Variants in ADAMTS6 observed in about 807,000 individuals in gnomAD.
ADAMTS6 encodes the protein A disintegrin and metalloproteinase with thrombospondin motifs 6.
A neutral mutation model predicts 144.3 loss-of-function variants in ADAMTS6; 23 were observed. The observed-to-expected ratio is 0.16, with a 90% CI of 0.11 to 0.23. ADAMTS6 has a LOEUF of 0.23. ADAMTS6 is among the 10% of genes least tolerant of loss of function. The pLI is 1.00. For missense variants in ADAMTS6, 999 were observed against 1,379.6 expected, an observed-to-expected ratio of 0.72 and a Z score of 4.37; for synonymous variants, 444 against 457.5, an observed-to-expected ratio of 0.97 and a Z score of 0.38.
chr5:65,232,015 G>A (rs1758286347), intron 15 of ADAMTS6, among the ~76,000 whole-genome samples: 1 of 152,090 alleles, frequency 6.6e-6, no homozygotes, highest in African/African-American at 2.4e-5. Context: ...GGAGGCTGAG[G>A]CAGGAGAATC....
chr5:65,172,733 T>C (rs1753712029), intron 23 of ADAMTS6, 99 bp downstream of exon 23: 2 of 1,380,520 alleles, frequency 1.4e-6, no homozygotes, highest in Admixed American at 2.3e-5. Flanking sequence ...GTGTTAATTC[T>C]TACTCATCTC....
chr5:65,420,179 T>C (rs7712994), intron 7 of ADAMTS6, among the ~76,000 whole-genome samples: 92,220 of 151,970 alleles, frequency 0.61, 29,830 homozygotes, highest in African/African-American at 0.84. Flanking sequence ...TGTGAGAACT[T>C]ACTCACTATC....
intron 2 of ADAMTS6, among the ~76,000 whole-genome samples, chr5:65,472,167 A>C (rs939528846): frequency 1.3e-5 from 2 of 152,224 alleles, no homozygotes; most frequent in African/African-American, 4.8e-5. Context: ...TAAAACATTA[A>C]GTAAAAGAGC....
chr5:65,210,619 A>G (rs1028601714), intron 20 of ADAMTS6: 3 of 612,668 alleles, frequency 4.9e-6, no homozygotes, highest in Admixed American at 2.1e-5. Flanking sequence ...AAAGGAAGCT[A>G]TGGATGGAGG....
chr5:65,182,733 T>TA (rs776463291), intron 22 of ADAMTS6, among the ~76,000 whole-genome samples: 107 of 152,288 alleles, frequency 7.0e-4, no homozygotes, highest in Non-Finnish European at 1.3e-3. Flanking sequence ...GCTAAACACA[T>TA]AATGACATTT....
At chr5:65,439,711 G>T (rs1277300299) in intron 7 of ADAMTS6, among the ~76,000 whole-genome samples, 1 of 152,150 alleles carries the variant, frequency 6.6e-6, no homozygotes, top group Admixed American at 6.5e-5. Context: ...GATAAAATTT[G>T]AGTATGAACT....
rs533451192 is a variant in ADAMTS6, at chr5:65,407,932, C to T, written c.1073+43543G>A. Reference sequence around the variant, plus strand: ...AGTGAAGGAGAAATAAAATCCTTTACAGACAAGCAAATGCTGAGAGATTTT... The same window carrying T: ...AGTGAAGGAGAAATAAAATCCTTTATAGACAAGCAAATGCTGAGAGATTTT... On this transcript the variant is annotated intron_variant, in intron 7 of 24. Coordinates refer to ENST00000381055, the MANE Select transcript of ADAMTS6 (RefSeq NM_197941.4). Among the ~76,000 whole-genome samples, 622 of 152,238 alleles carry T rather than the reference C, an allele frequency of 4.1e-3. 2 individuals carry two copies. Among genetic ancestry groups the T allele is most frequent in the African/African-American group, 0.014 (588 of 41,540 alleles).
intron 7 of ADAMTS6, among the ~76,000 whole-genome samples, chr5:65,382,086 C>T (rs1752095083): frequency 6.6e-6 from 1 of 152,130 alleles, no homozygotes; most frequent in Non-Finnish European, 1.5e-5. Context: ...CTTTTTGGAA[C>T]ACACACAATT....
chr5:65,202,102 A>G (rs1755776973), intron 20 of ADAMTS6, among the ~76,000 whole-genome samples: 1 of 152,172 alleles, frequency 6.6e-6, no homozygotes, highest in African/African-American at 2.4e-5. Context: ...AACCCAGGGT[A>G]CCAATCAACT....
chr5:65,422,284 A>T (rs1756114142), intron 7 of ADAMTS6, among the ~76,000 whole-genome samples: 1 of 152,242 alleles, frequency 6.6e-6, no homozygotes, highest in Non-Finnish European at 1.5e-5. Flanking sequence ...CCCAGCCAGA[A>T]TGGCCACTAT....
chr5:65,356,938 G>T (rs1487938532), intron 7 of ADAMTS6, among the ~76,000 whole-genome samples: 1 of 151,806 alleles, frequency 6.6e-6, no homozygotes, highest in East Asian at 1.9e-4. Context: ...GTATTTTTCA[G>T]GGGTAATAAT....
At position 65,401,237 on chromosome 5, in the gene ADAMTS6, C is replaced by G. The variant is rs149181340; in HGVS notation, c.1073+50238G>C. 2.1e-3 allele frequency among the ~76,000 whole-genome samples: 317 copies of G among 152,230 alleles called. 3 individuals are homozygous for G. Among genetic ancestry groups the G allele is most frequent in the African/African-American group, 7.3e-3 (305 of 41,520 alleles). On this transcript the variant is annotated intron_variant, in intron 7 of 24. Coordinates refer to ENST00000381055, the MANE Select transcript of ADAMTS6 (RefSeq NM_197941.4). Reference sequence around the variant, plus strand: ...AATTAGGTCTCAGCCTTTCAGTGCACCTATGCCTCTGAACTCTTGAACAAA... The same window carrying G: ...AATTAGGTCTCAGCCTTTCAGTGCAGCTATGCCTCTGAACTCTTGAACAAA...
intron 18 of ADAMTS6, among the ~76,000 whole-genome samples, chr5:65,216,107 A>C (rs1321157641): frequency 7.2e-6 from 1 of 138,242 alleles, no homozygotes; most frequent in African/African-American, 2.6e-5. Flanking sequence ...AAGAATTGAA[A>C]ACAGGTACTC....
chr5:65,325,539 G>GTT (rs1314617543), intron 9 of ADAMTS6, among the ~76,000 whole-genome samples: 1 of 150,420 alleles, frequency 6.6e-6, no homozygotes, highest in African/African-American at 2.5e-5. Flanking sequence ...ACCCAGAATG[G>GTT]AGTGCGGTGG....
chr5:65,243,697 G>C (rs1368070093), intron 14 of ADAMTS6, among the ~76,000 whole-genome samples: 3 of 151,992 alleles, frequency 2.0e-5, no homozygotes, highest in Non-Finnish European at 4.4e-5. Context: ...GAGTGCTCTA[G>C]GTTAAAGGAA....
chr5:65,334,429 G>A (rs1747114379), intron 7 of ADAMTS6, among the ~76,000 whole-genome samples: 2 of 152,180 alleles, frequency 1.3e-5, no homozygotes, highest in South Asian at 4.1e-4. Context: ...ACGCAAATAG[G>A]TGGCTTCTTA....
intron 23 of ADAMTS6, 107 bp downstream of exon 23, chr5:65,172,725 G>A: frequency 7.6e-7 from 1 of 1,319,408 alleles, no homozygotes. Flanking sequence ...ACTTCTACGT[G>A]TTAATTCTTA....
In ADAMTS6 at chr5:65,296,635, G is replaced by A. The variant is rs1233993237; in HGVS notation, c.1370+3350C>T. Among the ~76,000 whole-genome samples, 8 of 152,320 alleles carry A rather than the reference G, an allele frequency of 5.3e-5. 1 individual carries two copies. The East Asian group carries it at 1.5e-3, about 29-fold the overall frequency. On this transcript the variant is annotated intron_variant, in intron 10 of 24. Transcript: ENST00000381055. ...TTGACCTTTGAAGGTCATTGCTAGA[G>A]AGGAAATGTAAGTGCTTTGGTCATC...
At chr5:65,185,750 G>A (rs1333684236) in intron 22 of ADAMTS6, among the ~76,000 whole-genome samples, 1 of 152,216 alleles carries the variant, frequency 6.6e-6, no homozygotes, top group Non-Finnish European at 1.5e-5. Flanking sequence ...AGAGGGGTAA[G>A]ATCAACCTAT....
Sources: gnomAD v4.1 joint callset for allele counts (sites outside exome capture counted in the v4.1 genomes callset) on GRCh38, gnomAD v4.1.1 for gene constraint, MANE v1.5 for transcripts, NCBI Gene and HGNC (gene_info 2026-07-23, HGNC 2026-07-21) for gene names.